LHFPL6: variants seen among roughly 807,000 people sequenced by gnomAD.
LHFPL6 encodes the protein LHFPL tetraspan subfamily member 6.
A neutral mutation model predicts 20.6 loss-of-function variants in LHFPL6; 9 were observed. That is an observed-to-expected ratio of 0.44 (90% CI 0.26 to 0.76). The LOEUF is 0.76. Among genes scored for constraint, LHFPL6 ranks in the 30% least tolerant of loss-of-function variants. The pLI, the probability that LHFPL6 is intolerant of heterozygous loss-of-function variation, is 0.20. For missense variants in LHFPL6, 218 were observed against 253.5 expected (o/e 0.86, Z 0.95); for synonymous variants, 105 against 98.7 (o/e 1.06, Z -0.38).
chr13:39,584,536 A>G (rs1872388066), intron 2 of LHFPL6, among the ~76,000 whole-genome samples: 1 of 151,706 alleles, frequency 6.6e-6, no homozygotes, highest in East Asian at 1.9e-4. Flanking sequence ...AAAAAAAAAA[A>G]AAAAAAAACC....
At chr13:39,550,252 A>T (rs1354140961) in intron 2 of LHFPL6, among the ~76,000 whole-genome samples, 1 of 152,090 alleles carries the variant, frequency 6.6e-6, no homozygotes, top group Non-Finnish European at 1.5e-5. Flanking sequence ...TGATTGTCAG[A>T]GCAGGTGGAA....
At chr13:39,496,418 T>C (rs1248668937) in intron 2 of LHFPL6, among the ~76,000 whole-genome samples, 3 of 152,134 alleles carry the variant, frequency 2.0e-5, no homozygotes, top group Non-Finnish European at 4.4e-5. Context: ...TATATATGAA[T>C]GGAGAGGGGC....
chr13:39,523,339 G>A (rs1213384674), intron 2 of LHFPL6, among the ~76,000 whole-genome samples: 1 of 152,164 alleles, frequency 6.6e-6, no homozygotes, highest in Non-Finnish European at 1.5e-5. Flanking sequence ...GGAGGCCGAG[G>A]CGGGCGGATC....
chr13:39,521,809 C>T (rs1320320743), intron 2 of LHFPL6, among the ~76,000 whole-genome samples: 1 of 152,166 alleles, frequency 6.6e-6, no homozygotes, highest in African/African-American at 2.4e-5. Context: ...GCTTGCTTTG[C>T]AGATTATTAT....
chr13:39,580,631 T>G (rs1306011123), intron 2 of LHFPL6, among the ~76,000 whole-genome samples: 1 of 152,178 alleles, frequency 6.6e-6, no homozygotes, highest in African/African-American at 2.4e-5. Flanking sequence ...CAGAGCAGGA[T>G]TCAATAAATA....
At chr13:39,401,790 G>A (rs1454206372) in intron 2 of LHFPL6, among the ~76,000 whole-genome samples, 1 of 152,116 alleles carries the variant, frequency 6.6e-6, no homozygotes, top group Non-Finnish European at 1.5e-5. Context: ...TTATATATTT[G>A]AATTTCAAAA....
intron 2 of LHFPL6, among the ~76,000 whole-genome samples, chr13:39,550,374 A>AAC (rs139118515): frequency 0.017 from 2,630 of 152,244 alleles, 85 homozygotes; most frequent in African/African-American, 0.06. Flanking sequence ...CTCAACTATT[A>AAC]TAAACAGGAT....
At chr13:39,577,272 C>T (rs181249459) in intron 2 of LHFPL6, among the ~76,000 whole-genome samples, 86 of 152,280 alleles carry the variant, frequency 5.6e-4, no homozygotes, top group African/African-American at 2.0e-3. Flanking sequence ...AGCACCCCCG[C>T]CTTCTCTCCA....
intron 2 of LHFPL6, among the ~76,000 whole-genome samples, chr13:39,562,409 C>CATATATACATATATACATAT (rs1354505026): frequency 2.0e-5 from 2 of 101,816 alleles, no homozygotes; most frequent in Admixed American, 1.0e-4. Flanking sequence ...CATATATACA[C>CATATATACATATATACATAT]ATATACACAT....
rs561744844 is a variant in LHFPL6, at chr13:39,508,884, A to G, written c.385+91948T>C. Among the ~76,000 whole-genome samples the G allele has an allele frequency of 3.9e-5, 6 of 152,312 alleles. No individual in the cohort carries two copies. In the South Asian group the frequency reaches 6.2e-4, roughly 16 times the overall value. On this transcript the variant is annotated intron_variant, in intron 2 of 3. Transcript: ENST00000379589. ...ATGAATGGACTGGCTCGGGTAATAC[A>G]GTATATATGTATTTAACTTTTTAAA...
intron 2 of LHFPL6, among the ~76,000 whole-genome samples, chr13:39,455,864 A>T (rs1318387117): frequency 6.6e-6 from 1 of 152,186 alleles, no homozygotes; most frequent in South Asian, 2.1e-4. Context: ...AGAAACAAAT[A>T]AAAAAATCAG....
chr13:39,592,507 G>A (rs535653885), intron 2 of LHFPL6, among the ~76,000 whole-genome samples: 79 of 152,228 alleles, frequency 5.2e-4, no homozygotes, highest in Non-Finnish European at 9.1e-4. Flanking sequence ...AAAAGTCCAG[G>A]ACCAGATGGA....
chr13:39,372,861 C>CAA (rs1870196730), intron 3 of LHFPL6, among the ~76,000 whole-genome samples: 1 of 152,178 alleles, frequency 6.6e-6, no homozygotes, highest in Non-Finnish European at 1.5e-5. Flanking sequence ...GGAGGCTCTT[C>CAA]AAGTATTATT....
chr13:39,552,550 A>T (rs1388711065), intron 2 of LHFPL6, among the ~76,000 whole-genome samples: 1 of 152,206 alleles, frequency 6.6e-6, no homozygotes, highest in East Asian at 1.9e-4. Flanking sequence ...TCCACTTCAT[A>T]AGGGACACAT....
At chr13:39,570,922 TA>T (rs1310257596) in intron 2 of LHFPL6, among the ~76,000 whole-genome samples, 4 of 152,234 alleles carry the variant, frequency 2.6e-5, no homozygotes, top group African/African-American at 9.6e-5. Context: ...TACCCATGGA[TA>T]ACATTCTTTA....
At chr13:39,377,801 C>T (rs1006408979) in intron 3 of LHFPL6, among the ~76,000 whole-genome samples, 14 of 152,216 alleles carry the variant, frequency 9.2e-5, no homozygotes, top group African/African-American at 3.4e-4. Flanking sequence ...TGCAGACTCT[C>T]ACCCAATCAT....
intron 2 of LHFPL6, among the ~76,000 whole-genome samples, chr13:39,535,583 C>T (rs530991412): frequency 1.7e-4 from 26 of 152,154 alleles, no homozygotes; most frequent in African/African-American, 6.3e-4. Context: ...TCACATATCA[C>T]CAAACAGGAA....
At chr13:39,548,836 G>A (rs1871058644) in intron 2 of LHFPL6, among the ~76,000 whole-genome samples, 1 of 151,942 alleles carries the variant, frequency 6.6e-6, no homozygotes. Flanking sequence ...AAAAAGATGG[G>A]ATTGTGTCAT....
At chr13:39,562,725 G>A (rs1871580880) in intron 2 of LHFPL6, among the ~76,000 whole-genome samples, 1 of 147,830 alleles carries the variant, frequency 6.8e-6, no homozygotes, top group Non-Finnish European at 1.5e-5. Flanking sequence ...CACACTACGT[G>A]TATAGAATAA....
Sources: gnomAD v4.1 joint callset for allele counts (sites outside exome capture counted in the v4.1 genomes callset) on GRCh38, gnomAD v4.1.1 for gene constraint, MANE v1.5 for transcripts, NCBI Gene and HGNC (gene_info 2026-07-23, HGNC 2026-07-21) for gene names.